The following CTNND2 variants were observed in gnomAD, a reference collection of about 807,000 sequenced individuals.
The protein encoded by CTNND2 is catenin delta-2.
A neutral mutation model predicts 144.4 loss-of-function variants in CTNND2; 22 were observed. The observed-to-expected ratio is 0.15, with a 90% CI of 0.11 to 0.22. CTNND2 has a LOEUF of 0.22. Ranked by LOEUF, CTNND2 falls within the 10% of genes least tolerant of loss-of-function variation. CTNND2 has a pLI of 1.00. For synonymous variants in CTNND2, 751 were observed against 695.6 expected, an observed-to-expected ratio of 1.08 and a Z score of -1.25; for missense variants, 1,353 against 1,618.8, an observed-to-expected ratio of 0.84 and a Z score of 2.82.
chr5:11,252,459 C>T (rs1743765399), intron 9 of CTNND2, among the ~76,000 whole-genome samples: 1 of 152,138 alleles, frequency 6.6e-6, no homozygotes, highest in South Asian at 2.1e-4. Context: ...TAACAATATT[C>T]TACAATAAGC....
chr5:11,450,427 G>A (rs1765197205), intron 3 of CTNND2, among the ~76,000 whole-genome samples: 1 of 152,188 alleles, frequency 6.6e-6, no homozygotes, highest in Non-Finnish European at 1.5e-5. Flanking sequence ...TCACATTGAT[G>A]AAGGATGTTG....
In CTNND2 at chr5:11,354,647, AT is replaced by A. The variant is rs573008558; in HGVS notation, c.1373-8021del. 2.3e-3 allele frequency among the ~76,000 whole-genome samples: 357 copies of A among 152,356 alleles called. 3 individuals are homozygous for A. The highest frequency in any genetic ancestry group is 3.8e-3 in the Non-Finnish European group (258 of 68,030). Reference sequence around the variant, plus strand: ...TTAGACCTAAAGGAAGAGATAGACTATAGAACAGTAGGGAACTTCAACCCCC... The same window carrying A: ...TTAGACCTAAAGGAAGAGATAGACTAAGAACAGTAGGGAACTTCAACCCCC... On this transcript the variant is annotated intron_variant, in intron 8 of 21. Transcript: ENST00000304623.
At chr5:11,083,294 G>A (rs918015588) in intron 15 of CTNND2, among the ~76,000 whole-genome samples, 3 of 152,236 alleles carry the variant, frequency 2.0e-5, no homozygotes, top group Admixed American at 2.0e-4. Context: ...GGGCACACAG[G>A]TGAGTTGCTG....
chr5:11,545,662 CAAAAAA>C (rs34532125), intron 3 of CTNND2, among the ~76,000 whole-genome samples: 9 of 74,270 alleles, frequency 1.2e-4, no homozygotes, highest in African/African-American at 4.2e-4. Flanking sequence ...GACTGTGTCT[CAAAAAA>C]AAAAAAAAAA....
chr5:11,847,128 T>TTTTATA lies in CTNND2; in HGVS notation c.37+56688_37+56689insTATAAA, dbSNP rs1279618168. On this transcript the variant is annotated intron_variant, in intron 1 of 21. Transcript: ENST00000304623. The stretch of plus-strand genomic sequence containing the variant: ...AAATAAAATCAGTATGTCAAAGATT[T>TTTTATA]TATATATATATATATATATATATAT... Among the ~76,000 whole-genome samples, 9 of 72,412 alleles carry TTTTATA rather than the reference T, an allele frequency of 1.2e-4. No homozygotes were observed. The East Asian group carries it at 1.6e-3, about 13-fold the overall frequency. The allele number at this position is 72,412 out of a possible 152,430, so 47.5% of individuals were successfully genotyped here. A position where few individuals can be genotyped will look rare whatever the true frequency, so the allele number is the denominator to read the frequency against.
chr5:11,038,565 T>C (rs1744334897), intron 16 of CTNND2, among the ~76,000 whole-genome samples: 1 of 152,046 alleles, frequency 6.6e-6, no homozygotes, highest in African/African-American at 2.4e-5. Flanking sequence ...CTACAGGCAG[T>C]ATGGCCAGGA....
chr5:11,867,230 T>C (rs368593016), intron 1 of CTNND2, among the ~76,000 whole-genome samples: 15 of 152,366 alleles, frequency 9.8e-5, no homozygotes, highest in African/African-American at 3.4e-4. Flanking sequence ...GTACTAATTT[T>C]ATTGCATGTT....
At chr5:11,765,256 T>C (rs1187611123) in intron 1 of CTNND2, among the ~76,000 whole-genome samples, 7 of 152,128 alleles carry the variant, frequency 4.6e-5, no homozygotes, top group Admixed American at 4.6e-4. Flanking sequence ...AAGGTCAGGA[T>C]CATGCCTGGG....
chr5:11,171,701 T>G (rs1212396969), intron 11 of CTNND2, among the ~76,000 whole-genome samples: 2 of 152,120 alleles, frequency 1.3e-5, no homozygotes, highest in African/African-American at 4.8e-5. Flanking sequence ...CTAAAGTCCA[T>G]CAACTGTCAG....
chr5:11,871,783 C>T (rs1458061188), intron 1 of CTNND2, among the ~76,000 whole-genome samples: 1 of 152,138 alleles, frequency 6.6e-6, no homozygotes, highest in South Asian at 2.1e-4. Flanking sequence ...AAGCCCGAGA[C>T]ACAATTATAC....
At chr5:11,164,336 T>G (rs1490329677) in intron 11 of CTNND2, among the ~76,000 whole-genome samples, 2 of 152,230 alleles carry the variant, frequency 1.3e-5, no homozygotes, top group Non-Finnish European at 2.9e-5. Flanking sequence ...TTCAGTCTAC[T>G]ACGTATCCCT....
At chr5:11,123,095 G>GCTCAATC (rs1373708768) in intron 12 of CTNND2, among the ~76,000 whole-genome samples, 2 of 152,148 alleles carry the variant, frequency 1.3e-5, no homozygotes, top group Non-Finnish European at 2.9e-5. Flanking sequence ...CTCAATCCAA[G>GCTCAATC]CACTGCCTTT....
rs537701290 is a variant in CTNND2, at chr5:11,517,554, AT to A, written c.287+47389del. Among the ~76,000 whole-genome samples the A allele has an allele frequency of 9.2e-5, 14 of 152,158 alleles. No homozygotes were observed. The East Asian group carries it at 2.5e-3, about 27-fold the overall frequency. ...TGTGAAATGACCACCGCAAACTAAT[AT>A]ATCCATCACCTCACATAGTTAACAT... On this transcript the variant is annotated intron_variant, in intron 3 of 21. Coordinates refer to ENST00000304623, the MANE Select transcript of CTNND2 (RefSeq NM_001332.4).
chr5:11,545,186 G>C (rs563537692), intron 3 of CTNND2, among the ~76,000 whole-genome samples: 11 of 151,322 alleles, frequency 7.3e-5, no homozygotes, highest in Non-Finnish European at 1.6e-4. Context: ...GCCAGGCATG[G>C]TGGCAGGCGC....
chr5:11,429,779 T>A (rs1165909772), intron 3 of CTNND2, among the ~76,000 whole-genome samples: 1 of 152,168 alleles, frequency 6.6e-6, no homozygotes, highest in African/African-American at 2.4e-5. Flanking sequence ...TGAAAGAGTG[T>A]CTAGCAAGCG....
chr5:11,476,102 C>G (rs1767719671), intron 3 of CTNND2, among the ~76,000 whole-genome samples: 1 of 150,778 alleles, frequency 6.6e-6, no homozygotes, highest in Non-Finnish European at 1.5e-5. Context: ...AACTCCTTGA[C>G]TCAAGTTATC....
At chr5:11,532,732 A>G (rs1366447975) in intron 3 of CTNND2, among the ~76,000 whole-genome samples, 5 of 152,246 alleles carry the variant, frequency 3.3e-5, no homozygotes, top group Non-Finnish European at 7.3e-5. Flanking sequence ...AAGGGCCTTA[A>G]AGAAAAAGGA....
intron 3 of CTNND2, among the ~76,000 whole-genome samples, chr5:11,563,198 T>C (rs764815159): frequency 2.6e-5 from 4 of 152,170 alleles, no homozygotes; most frequent in African/African-American, 4.8e-5. Flanking sequence ...TGGAGTTGCA[T>C]GAAACCATGT....
intron 1 of CTNND2, among the ~76,000 whole-genome samples, chr5:11,874,902 T>C (rs926388458): frequency 2.0e-5 from 3 of 152,180 alleles, no homozygotes; most frequent in African/African-American, 7.2e-5. Context: ...AAGGAAAATA[T>C]AACCCAGACA....
Sources: gnomAD v4.1 joint callset for allele counts (sites outside exome capture counted in the v4.1 genomes callset) on GRCh38, gnomAD v4.1.1 for gene constraint, MANE v1.5 for transcripts, NCBI Gene and HGNC (gene_info 2026-07-23, HGNC 2026-07-21) for gene names.